Variants in RBFOX1 observed in about 807,000 individuals in gnomAD.
The protein encoded by RBFOX1 is RNA binding fox-1 homolog 1.
A neutral mutation model predicts 57.7 loss-of-function variants in RBFOX1; 8 were observed. The ratio of observed to expected loss-of-function variants is 0.14; its 90% CI spans 0.08 to 0.25. The LOEUF (loss-of-function observed/expected upper bound fraction) is 0.25, where lower values mean the gene tolerates loss of function less well. RBFOX1 is among the 10% of genes least tolerant of loss of function. The pLI is 1.00. For synonymous variants in RBFOX1, 326 were observed against 222.4 expected (o/e 1.47, Z -4.15); for missense variants, 611 against 548.5 (o/e 1.11, Z -1.14).
chr16:5,446,711 A>G (rs761107425), intron 1 of RBFOX1, among the ~76,000 whole-genome samples: 35 of 152,124 alleles, frequency 2.3e-4, no homozygotes, highest in Non-Finnish European at 4.1e-4. Flanking sequence ...CAGTACTCCA[A>G]GCAGAGTGAC....
intron 1 of RBFOX1, among the ~76,000 whole-genome samples, chr16:6,116,751 G>C (rs899649038): frequency 6.6e-6 from 1 of 152,194 alleles, no homozygotes; most frequent in African/African-American, 2.4e-5. Flanking sequence ...TCAGCTGATA[G>C]GGGAGAAAAC....
chr16:7,194,466 G>A (rs993066263), intron 4 of RBFOX1, among the ~76,000 whole-genome samples: 7 of 152,094 alleles, frequency 4.6e-5, no homozygotes, highest in African/African-American at 7.2e-5. Context: ...GCAGTGGAAC[G>A]GCTAGAGTTT....
intron 1 of RBFOX1, among the ~76,000 whole-genome samples, chr16:5,412,532 C>G (rs937179758): frequency 6.6e-6 from 1 of 152,126 alleles, no homozygotes; most frequent in East Asian, 1.9e-4. Context: ...CACAGGTACA[C>G]AGATTTGTTT....
chr16:7,664,979 A>T lies in RBFOX1; in HGVS notation c.930+11A>T. The stretch of plus-strand genomic sequence containing the variant: ...GGTGCAGACATTTATGTAAGTATTC[A>T]TTCACGTGCATGCCATCCCCGTTTC... On this transcript the variant is annotated intron_variant, in intron 13 of 15. Transcript: ENST00000550418. The T allele has an allele frequency of 6.2e-7, 1 of 1,613,940 alleles. No individual in the cohort carries two copies. The highest frequency in any genetic ancestry group is 2.2e-5 in the East Asian group (1 of 44,880).
At chr16:5,627,733 T>C (rs2048386284) in intron 3 of RBFOX1, among the ~76,000 whole-genome samples, 1 of 152,122 alleles carries the variant, frequency 6.6e-6, no homozygotes, top group Non-Finnish European at 1.5e-5. Context: ...AAAAATACAG[T>C]ATAACAACTA....
intron 4 of RBFOX1, among the ~76,000 whole-genome samples, chr16:7,276,838 C>G (rs1043905099): frequency 6.6e-6 from 1 of 152,164 alleles, no homozygotes; most frequent in South Asian, 2.1e-4. Flanking sequence ...GGTAATGCTG[C>G]TGCTCAGAAG....
At position 6,692,097 on chromosome 16, in the gene RBFOX1, C is replaced by T. The variant is rs567016851; in HGVS notation, c.-16+37447C>T. Among the ~76,000 whole-genome samples, 7 of 152,242 alleles carry T rather than the reference C, an allele frequency of 4.6e-5. No individual in the cohort carries two copies. In the East Asian group the frequency reaches 5.8e-4, roughly 13 times the overall value. On this transcript the variant is annotated intron_variant, in intron 3 of 15. Coordinates refer to ENST00000550418, the MANE Select transcript of RBFOX1 (RefSeq NM_018723.4). Reference sequence around the variant, plus strand: ...ATATACAGAACTGCAAGATAATAAACGAGTAGTTATTTTAAGTAAGTTTAA... The same window carrying T: ...ATATACAGAACTGCAAGATAATAAATGAGTAGTTATTTTAAGTAAGTTTAA...
At chr16:7,703,771 C>T (rs2081517964) in intron 14 of RBFOX1, among the ~76,000 whole-genome samples, 1 of 152,166 alleles carries the variant, frequency 6.6e-6, no homozygotes, top group African/African-American at 2.4e-5. Context: ...CATTTTGCTC[C>T]AACACAACCT....
At chr16:6,644,231 A>T (rs1196250842) in intron 2 of RBFOX1, among the ~76,000 whole-genome samples, 1 of 152,238 alleles carries the variant, frequency 6.6e-6, no homozygotes, top group African/African-American at 2.4e-5. Context: ...TGTTATTTTC[A>T]CAACAATAGG....
intron 1 of RBFOX1, among the ~76,000 whole-genome samples, chr16:5,362,343 A>G (rs2065576125): frequency 6.6e-6 from 1 of 152,068 alleles, no homozygotes; most frequent in Non-Finnish European, 1.5e-5. Context: ...GGTGCACGCC[A>G]CCACGCCCAG....
intron 1 of RBFOX1, among the ~76,000 whole-genome samples, chr16:5,334,055 T>G (rs1479865351): frequency 6.6e-6 from 1 of 150,768 alleles, no homozygotes; most frequent in Non-Finnish European, 1.5e-5. Flanking sequence ...TCTGGCCGAT[T>G]TCTGTCAGGA....
chr16:6,834,137 C>G (rs747826455), intron 3 of RBFOX1, among the ~76,000 whole-genome samples: 28 of 151,812 alleles, frequency 1.8e-4, no homozygotes, highest in Non-Finnish European at 2.2e-4. Context: ...TGATCTCATC[C>G]CACTCGGCTC....
At chr16:5,965,845 G>C (rs1389700760) in intron 4 of RBFOX1, among the ~76,000 whole-genome samples, 1 of 152,034 alleles carries the variant, frequency 6.6e-6, no homozygotes, top group Non-Finnish European at 1.5e-5. Context: ...GGATTACCAT[G>C]TTGTCTTTCT....
At chr16:5,813,008 CTTT>C (rs565304481) in intron 3 of RBFOX1, among the ~76,000 whole-genome samples, 1 of 135,900 alleles carries the variant, frequency 7.4e-6, no homozygotes. Context: ...CCTTTAACCA[CTTT>C]TTTTTTTTTT....
At chr16:6,066,967 G>A (rs182001771) in intron 1 of RBFOX1, among the ~76,000 whole-genome samples, 64 of 152,222 alleles carry the variant, frequency 4.2e-4, no homozygotes, top group African/African-American at 1.4e-3. Flanking sequence ...AGTAGGGGGC[G>A]GGGGAGGGCG....
At chr16:6,789,645 C>G (rs556229736) in intron 3 of RBFOX1, among the ~76,000 whole-genome samples, 1 of 152,250 alleles carries the variant, frequency 6.6e-6, no homozygotes, top group African/African-American at 2.4e-5. Flanking sequence ...CATTTGTGTG[C>G]ATTGGTGTGA....
chr16:6,999,206 A>ATTTTATTTTTT (rs1568299754), intron 3 of RBFOX1, among the ~76,000 whole-genome samples: 2 of 72,126 alleles, frequency 2.8e-5, no homozygotes, highest in Non-Finnish European at 5.4e-5. Context: ...TTTATTTTTT[A>ATTTTATTTTTT]TTTTTATTTA....
At chr16:5,401,312 T>C (rs1374882670) in intron 1 of RBFOX1, among the ~76,000 whole-genome samples, 1 of 152,218 alleles carries the variant, frequency 6.6e-6, no homozygotes, top group Non-Finnish European at 1.5e-5. Context: ...AACCGTTTTG[T>C]CAGTGTTTTT....
intron 11 of RBFOX1, among the ~76,000 whole-genome samples, chr16:7,634,411 T>C (rs1402299156): frequency 6.7e-6 from 1 of 149,756 alleles, no homozygotes; most frequent in Non-Finnish European, 1.5e-5. Flanking sequence ...GAGACTTAAA[T>C]TGTACCTCTT....
Sources: allele counts gnomAD v4.1 joint callset (sites outside exome capture counted in the v4.1 genomes callset), GRCh38; gene constraint gnomAD v4.1.1; transcripts MANE v1.5; gene names NCBI Gene and HGNC (gene_info 2026-07-23, HGNC 2026-07-21).